Variants in TMEM45A observed in about 807,000 individuals in gnomAD.
The protein encoded by TMEM45A is transmembrane protein 45A, also known as DNA polymerase-transactivated protein 4.
A neutral mutation model predicts 32.0 loss-of-function variants in TMEM45A; 25 were observed. The ratio of observed to expected loss-of-function variants is 0.78; its 90% CI spans 0.57 to 1.09. TMEM45A has a LOEUF of 1.09. Ranked by LOEUF, TMEM45A falls within the 50% of genes least tolerant of loss-of-function variation. TMEM45A has a pLI of 0.00. For synonymous variants in TMEM45A, 122 were observed against 114.8 expected (o/e 1.06, Z -0.40); for missense variants, 302 against 325.0 (o/e 0.93, Z 0.54).
intron 1 of TMEM45A, among the ~76,000 whole-genome samples, chr3:100,527,362 G>T (rs989184623): frequency 2.0e-5 from 3 of 152,124 alleles, no homozygotes; most frequent in African/African-American, 4.8e-5. Flanking sequence ...CTGTTCAAAG[G>T]AACAAGGTGA....
chr3:100,576,971 CT>C lies in TMEM45A; in HGVS notation c.783del (p.Leu262Ter). 1 of 1,613,670 alleles carries C rather than the reference CT, an allele frequency of 6.2e-7. No individual in the cohort carries two copies. The highest frequency in any genetic ancestry group is 8.5e-7 in the Non-Finnish European group (1 of 1,179,930). On this transcript the variant is annotated frameshift_variant, in exon 6 of 6. Coordinates refer to ENST00000323523, the MANE Select transcript of TMEM45A (RefSeq NM_018004.3). LOFTEE classifies it high-confidence loss of function. ...GAGGCTCTGCTCCTCAGAAGTTGGA[CT>C]TCTGAAAAATGCTGAACGAGAACAA... is the stretch of plus-strand genomic sequence containing the variant. Reference protein sequence around the residue: ...LKRLCSSEVGLLKNAEREQES... With the variant: ...LKRLCSSEVGXLKNAEREQES...
intron 1 of TMEM45A, among the ~76,000 whole-genome samples, chr3:100,509,128 C>T (rs1189998570): frequency 2.0e-5 from 3 of 152,020 alleles, no homozygotes; most frequent in African/African-American, 7.2e-5. Context: ...AAAAAAATCC[C>T]ATCAGATATT....
At chr3:100,523,060 T>C (rs888002460) in intron 1 of TMEM45A, among the ~76,000 whole-genome samples, 1 of 152,236 alleles carries the variant, frequency 6.6e-6, no homozygotes, top group East Asian at 1.9e-4. Flanking sequence ...CAAACTCTAA[T>C]GCTTAGCACT....
chr3:100,540,047 G>A (rs6775560), intron 1 of TMEM45A, among the ~76,000 whole-genome samples: 2,075 of 151,956 alleles, frequency 0.014, 35 homozygotes, highest in African/African-American at 0.048. Flanking sequence ...TCTTGGGTGT[G>A]GAAAAGGGTT....
intron 1 of TMEM45A, among the ~76,000 whole-genome samples, chr3:100,523,210 CT>C (rs1166353723): frequency 6.6e-6 from 1 of 152,194 alleles, no homozygotes; most frequent in Non-Finnish European, 1.5e-5. Flanking sequence ...AGACGTTCTG[CT>C]GATGTTGTCT....
chr3:100,558,682 C>G, intron 4 of TMEM45A, 93 bp downstream of exon 4: 3 of 1,247,534 alleles, frequency 2.4e-6, no homozygotes, highest in Non-Finnish European at 3.4e-6. Context: ...AGACTTCCCT[C>G]CAACATACTG....
intron 1 of TMEM45A, among the ~76,000 whole-genome samples, chr3:100,549,272 CA>C (rs1229899446): frequency 6.6e-6 from 1 of 151,096 alleles, no homozygotes; most frequent in Non-Finnish European, 1.5e-5. Flanking sequence ...AACAAAAAAA[CA>C]AACAAAAAAA....
chr3:100,517,585 C>G (rs1415718788), intron 1 of TMEM45A, among the ~76,000 whole-genome samples: 2 of 152,156 alleles, frequency 1.3e-5, no homozygotes, highest in Non-Finnish European at 2.9e-5. Flanking sequence ...TGTCCCCATG[C>G]CAAAGATCAG....
Position 100,577,313 on chromosome 3 carries a change from T to C in TMEM45A, c.*295T>C, listed in dbSNP as rs1229763484. On this transcript the variant is annotated 3_prime_UTR_variant, in exon 6 of 6. Transcript: ENST00000323523. ...GCCCACACTATGAAAGAAATATTTG[T>C]TTTATTTGCCTTATAGATATGCTCA... 1 of 270,980 alleles carries C rather than the reference T, an allele frequency of 3.7e-6. No individual in the cohort carries two copies. The highest frequency in any genetic ancestry group is 6.9e-6 in the Non-Finnish European group (1 of 144,726). 16.8% of individuals were successfully genotyped at this position (270,980 alleles called of 1,614,324 possible).
chr3:100,498,941 CTTG>C (rs909662689), intron 1 of TMEM45A, among the ~76,000 whole-genome samples: 15 of 152,076 alleles, frequency 9.9e-5, no homozygotes, highest in African/African-American at 3.4e-4. Flanking sequence ...TGGGAAGCAT[CTTG>C]TTGTGGTTTT....
chr3:100,499,515 T>A (rs772505370), intron 1 of TMEM45A, among the ~76,000 whole-genome samples: 1 of 152,232 alleles, frequency 6.6e-6, no homozygotes, highest in Admixed American at 6.5e-5. Context: ...AAAATATTAA[T>A]TCATTCTTGA....
At chr3:100,499,146 C>T (rs941388856) in intron 1 of TMEM45A, among the ~76,000 whole-genome samples, 11 of 152,046 alleles carry the variant, frequency 7.2e-5, no homozygotes, top group Admixed American at 2.0e-4. Context: ...CTTCGGGTTA[C>T]CTTTCCACTG....
At chr3:100,532,401 A>G (rs1559642385) in intron 1 of TMEM45A, among the ~76,000 whole-genome samples, 1 of 152,250 alleles carries the variant, frequency 6.6e-6, no homozygotes, top group East Asian at 1.9e-4. Flanking sequence ...AACAAAAGTC[A>G]TCTACAGCAG....
intron 1 of TMEM45A, among the ~76,000 whole-genome samples, chr3:100,509,890 C>G (rs564165567): frequency 9.4e-4 from 143 of 152,274 alleles, no homozygotes; most frequent in African/African-American, 3.2e-3. Context: ...CACTCCCACC[C>G]GAATACTGCG....
Position 100,576,976 on chromosome 3 carries a change from GA to G in TMEM45A, c.791del (p.Asn264MetfsTer45). The part of the protein sequence containing the change: ...RLCSSEVGLL[K>X]NAEREQESEE... ...TCTGCTCCTCAGAAGTTGGACTTCTGAAAAATGCTGAACGAGAACAAGAATC... is the reference window on the plus strand; with the variant it reads ...TCTGCTCCTCAGAAGTTGGACTTCTGAAAATGCTGAACGAGAACAAGAATC... On this transcript the variant is annotated frameshift_variant, in exon 6 of 6. Coordinates refer to ENST00000323523, the MANE Select transcript of TMEM45A (RefSeq NM_018004.3). LOFTEE classifies it high-confidence loss of function. 6.2e-7 allele frequency: 1 copy of G among 1,613,572 alleles called. No homozygotes were observed.
At chr3:100,498,438 C>T (rs1707963030) in intron 1 of TMEM45A, among the ~76,000 whole-genome samples, 1 of 152,212 alleles carries the variant, frequency 6.6e-6, no homozygotes, top group Admixed American at 6.5e-5. Flanking sequence ...AATTCTGCCT[C>T]CAGCCTGCCT....
chr3:100,536,559 T>G (rs559712408), intron 1 of TMEM45A, among the ~76,000 whole-genome samples: 262 of 152,310 alleles, frequency 1.7e-3, no homozygotes, highest in African/African-American at 6.0e-3. Flanking sequence ...AATGGATCCA[T>G]GGAGGAATTA....
chr3:100,506,900 A>G (rs576327255), intron 1 of TMEM45A, among the ~76,000 whole-genome samples: 2 of 152,224 alleles, frequency 1.3e-5, no homozygotes, highest in East Asian at 3.8e-4. Context: ...GCCAAGTTCT[A>G]GAACCAGAAG....
chr3:100,524,804 C>A (rs1227828397), intron 1 of TMEM45A, among the ~76,000 whole-genome samples: 1 of 152,148 alleles, frequency 6.6e-6, no homozygotes, highest in East Asian at 1.9e-4. Context: ...TTCCTTCCTG[C>A]AATGACATTT....
Sources: gnomAD v4.1 joint callset for allele counts (sites outside exome capture counted in the v4.1 genomes callset) on GRCh38, gnomAD v4.1.1 for gene constraint, MANE v1.5 for transcripts, NCBI Gene and HGNC (gene_info 2026-07-23, HGNC 2026-07-21) for gene names.